Variants in OTUD7B observed in about 807,000 individuals in gnomAD.
The protein encoded by OTUD7B is OTU domain-containing protein 7B.
A neutral mutation model predicts 82.2 loss-of-function variants in OTUD7B; 34 were observed. That is an observed-to-expected ratio of 0.41 (90% CI 0.31 to 0.55). The LOEUF is 0.55. OTUD7B is among the 20% of genes least tolerant of loss of function. The probability of loss-of-function intolerance (pLI) is 0.20; values close to 1 mark genes in which losing one functional copy is unlikely to be tolerated. For synonymous variants in OTUD7B, 398 were observed against 402.7 expected (o/e 0.99, Z 0.14); for missense variants, 944 against 1,062.1 (o/e 0.89, Z 1.55).
chr1:149,959,873 C>A, intron 6 of OTUD7B, 77 bp from the exon 7 acceptor site: 1 of 882,640 alleles, frequency 1.1e-6, no homozygotes, highest in South Asian at 1.4e-5. Context: ...CCACCTTATT[C>A]ACTGTTACTT....
intron 1 of OTUD7B, among the ~76,000 whole-genome samples, chr1:150,001,778 G>A (rs587673163): frequency 1.3e-5 from 2 of 152,282 alleles, no homozygotes; most frequent in African/African-American, 4.8e-5. Flanking sequence ...CCCTTCTCTG[G>A]GGAAGATGCT....
At chr1:150,006,042 GA>G (rs1652641236) in intron 1 of OTUD7B, among the ~76,000 whole-genome samples, 1 of 152,172 alleles carries the variant, frequency 6.6e-6, no homozygotes, top group Admixed American at 6.5e-5. Context: ...TTTAATGCAA[GA>G]ATGACTGTTC....
the OTUD7B span, among the ~76,000 whole-genome samples, chr1:150,056,210 T>C: frequency 1.3e-5 from 2 of 152,308 alleles, no homozygotes; most frequent in East Asian, 3.9e-4. Context: ...GTCACATTTA[T>C]GGTCATCTAC....
chr1:149,951,204 T>G (rs1553773391), intron 7 of OTUD7B, among the ~76,000 whole-genome samples: 2 of 151,700 alleles, frequency 1.3e-5, no homozygotes, highest in African/African-American at 4.8e-5. Flanking sequence ...ATCTCCTGAC[T>G]TCGTGATCCG....
At chr1:150,000,199 G>T (rs1652183330) in intron 1 of OTUD7B, among the ~76,000 whole-genome samples, 2 of 152,154 alleles carry the variant, frequency 1.3e-5, no homozygotes, top group African/African-American at 4.8e-5. Context: ...TGGGAGCTGG[G>T]CATGGTGGCT....
At position 150,010,484 on chromosome 1, in the gene OTUD7B, C is replaced by A. The variant is rs1553787100; in HGVS notation, c.-103G>T. On this transcript the variant is annotated 5_prime_UTR_variant, in exon 1 of 12. Coordinates refer to ENST00000581312, the MANE Select transcript of OTUD7B (RefSeq NM_020205.4). The stretch of plus-strand genomic sequence containing the variant: ...CCCGGGGCAAGGCCCTAGGCCGGGG[C>A]GGAGCGCGGGGCCCGGCCGCCTCTC... 1.3e-5 allele frequency: 2 copies of A among 152,446 alleles called. No homozygotes were observed. The highest frequency in any genetic ancestry group is 2.4e-5 in the African/African-American group (1 of 41,490). 9.4% of individuals were successfully genotyped at this position (152,446 alleles called of 1,614,324 possible). A position where few individuals can be genotyped will look rare whatever the true frequency, so the allele number is the denominator to read the frequency against.
At position 149,996,101 on chromosome 1, in the gene OTUD7B, T is replaced by C. The variant is rs1186289338; in HGVS notation, c.-67+14347A>G. On this transcript the variant is annotated intron_variant, in intron 1 of 11. Transcript: ENST00000581312. ...CCACATTACAATGTTAACAACACAT[T>C]ACTCACCATTGTGCTACAAGAAAGA... Among the ~76,000 whole-genome samples the C allele has an allele frequency of 2.0e-5, 3 of 152,218 alleles. No homozygotes were observed. In the East Asian group the frequency reaches 5.8e-4, roughly 29 times the overall value.
intron 6 of OTUD7B, chr1:149,960,890 C>G (rs1384133207): frequency 7.1e-6 from 1 of 140,658 alleles, no homozygotes; most frequent in East Asian, 2.1e-4. Flanking sequence ...ATATTCCTTT[C>G]TTTCTTTCAC....
chr1:150,018,702 ATCTT>A, the OTUD7B span, among the ~76,000 whole-genome samples: 5 of 152,136 alleles, frequency 3.3e-5, no homozygotes, highest in Non-Finnish European at 5.9e-5. Flanking sequence ...TCTGCTTGAC[ATCTT>A]TCATCTTATT....
intron 11 of OTUD7B, 151 bp downstream of exon 11, chr1:149,947,100 G>C: frequency 2.1e-6 from 1 of 481,654 alleles, no homozygotes; most frequent in Non-Finnish European, 3.9e-6. Context: ...ATTGTCTTTG[G>C]AACTTATCTG....
At chr1:150,054,333 G>A in the OTUD7B span, 2 of 515,408 alleles carry the variant, frequency 3.9e-6, no homozygotes, top group Non-Finnish European at 7.7e-6. Context: ...GAAAGCCACA[G>A]GGGCAAGAGG....
chr1:149,948,919 G>T (rs1571593967), intron 10 of OTUD7B, 50 bp downstream of exon 10: 2 of 1,215,132 alleles, frequency 1.6e-6, no homozygotes, highest in Non-Finnish European at 1.2e-6. Flanking sequence ...GATGCCACAT[G>T]TGGAAGAAAT....
At chr1:149,949,211 T>C (rs1647997450) in intron 9 of OTUD7B, 128 bp from the exon 10 acceptor site, 2 of 633,874 alleles carry the variant, frequency 3.2e-6, no homozygotes, top group Admixed American at 5.4e-5. Context: ...TACACGTGAA[T>C]TACCCCGGTA....
chr1:149,991,108 C>T (rs587607865), intron 1 of OTUD7B, among the ~76,000 whole-genome samples: 21 of 152,088 alleles, frequency 1.4e-4, no homozygotes, highest in Middle Eastern at 3.4e-3. Context: ...TATAGCAAAA[C>T]CAGATCAGTC....
chr1:149,999,780 G>A (rs1353458506), intron 1 of OTUD7B, among the ~76,000 whole-genome samples: 1 of 151,978 alleles, frequency 6.6e-6, no homozygotes, highest in African/African-American at 2.4e-5. Context: ...CTTCACATGC[G>A]ACTACCTTCA....
intron 2 of OTUD7B, among the ~76,000 whole-genome samples, chr1:149,976,666 T>C (rs968955273): frequency 7.6e-6 from 1 of 131,040 alleles, no homozygotes; most frequent in Non-Finnish European, 1.7e-5. Flanking sequence ...TATAAAGATA[T>C]AAGTAAACAA....
intron 5 of OTUD7B, among the ~76,000 whole-genome samples, chr1:149,964,671 G>A (rs370729532): frequency 2.0e-5 from 3 of 151,554 alleles, no homozygotes; most frequent in Admixed American, 6.6e-5. Context: ...TTGGCTTACC[G>A]CAACTTCCGC....
At chr1:149,994,982 C>A (rs1157552808) in intron 1 of OTUD7B, among the ~76,000 whole-genome samples, 2 of 152,126 alleles carry the variant, frequency 1.3e-5, no homozygotes, top group Non-Finnish European at 1.5e-5. Context: ...CACTATAAAT[C>A]TTTGTTTACC....
chr1:150,060,420 A>G, the OTUD7B span, among the ~76,000 whole-genome samples: 1 of 152,240 alleles, frequency 6.6e-6, no homozygotes, highest in Non-Finnish European at 1.5e-5. Context: ...ATGTGAAGAC[A>G]CAGGAGAAGA....
Sources: gnomAD v4.1 joint callset for allele counts (sites outside exome capture counted in the v4.1 genomes callset) on GRCh38, gnomAD v4.1.1 for gene constraint, MANE v1.5 for transcripts, NCBI Gene and HGNC (gene_info 2026-07-23, HGNC 2026-07-21) for gene names.